The following PCCB variants were observed in gnomAD, a reference collection of about 807,000 sequenced individuals.
PCCB encodes propionyl-CoA carboxylase subunit beta.
Under a neutral mutation model 60.7 loss-of-function variants are expected in PCCB, and 43 were observed. That is an observed-to-expected ratio of 0.71 (90% confidence interval 0.55 to 0.91). The LOEUF (loss-of-function observed/expected upper bound fraction) is 0.91. Among genes scored for constraint, PCCB ranks in the 40% least tolerant of loss-of-function variants. PCCB has a pLI of 0.00. For missense variants in PCCB, 766 were observed against 702.8 expected (o/e 1.09, Z -1.02); for synonymous variants, 276 against 255.9 (o/e 1.08, Z -0.75).
chr3:136,256,501 C>A (rs1350106666), intron 2 of PCCB, 54 bp from the exon 3 acceptor site: 2 of 1,319,826 alleles, frequency 1.5e-6, no homozygotes, highest in South Asian at 1.2e-5. Context: ...TGGCCAAACT[C>A]ATTAGAAGAA....
chr3:136,265,471 A>C (rs1941960958), intron 5 of PCCB, among the ~76,000 whole-genome samples: 1 of 152,118 alleles, frequency 6.6e-6, no homozygotes, highest in South Asian at 2.1e-4. Flanking sequence ...TTATATTGTA[A>C]TATGTATCAG....
chr3:136,287,186 G>A (rs112819890), intron 6 of PCCB, among the ~76,000 whole-genome samples: 1,931 of 152,146 alleles, frequency 0.013, 34 homozygotes, highest in East Asian at 0.047. Context: ...TTTTATGGTA[G>A]TGTTTTTATT....
intron 6 of PCCB, among the ~76,000 whole-genome samples, chr3:136,287,751 T>C (rs1933485462): frequency 1.3e-5 from 2 of 152,244 alleles, no homozygotes; most frequent in Non-Finnish European, 2.9e-5. Flanking sequence ...AAATATTTCT[T>C]AACATATTCA....
intron 5 of PCCB, among the ~76,000 whole-genome samples, chr3:136,280,000 C>G (rs1942433856): frequency 1.3e-5 from 2 of 152,224 alleles, no homozygotes; most frequent in African/African-American, 4.8e-5. Context: ...ATTTTTTGTG[C>G]AGACTCCTCT....
At chr3:136,281,603 C>A (rs779882619) in intron 5 of PCCB, among the ~76,000 whole-genome samples, 24 of 151,962 alleles carry the variant, frequency 1.6e-4, no homozygotes, top group African/African-American at 5.8e-4. Context: ...CTATTAAGTC[C>A]AATATCTGGG....
At position 136,255,953 on chromosome 3, in the gene PCCB, GA is replaced by G; in HGVS notation, c.283del (p.Met95TrpfsTer55). On this transcript the variant is annotated frameshift_variant, in exon 2 of 15. Transcript: ENST00000251654. LOFTEE classifies it high-confidence loss of function. ...MFVEHRCADFGMAADKNKFPG... is the reference protein window; with the variant it reads ...MFVEHRCADFXMAADKNKFPG... ...GTGGAACACAGATGTGCAGATTTTG[GA>G]ATGGCTGCTGATAAGAATAAGGTAT... is the stretch of plus-strand genomic sequence containing the variant. The G allele has an allele frequency of 6.2e-7, 1 of 1,614,178 alleles. No homozygotes were observed. Among genetic ancestry groups the G allele is most frequent in the Non-Finnish European group, 8.5e-7 (1 of 1,180,006 alleles).
At position 136,313,298 on chromosome 3, in the gene PCCB, C is replaced by A. The variant is rs555471957; in HGVS notation, c.967-3643C>A. ...CGTTGTCATTTGTAATTGCGAGATA[C>A]TCTAAATAACCTAAATGTAAATTTT... On this transcript the variant is annotated intron_variant, in intron 9 of 14. Transcript: ENST00000251654. 2.0e-5 allele frequency among the ~76,000 whole-genome samples: 3 copies of A among 152,290 alleles called. No homozygotes were observed. In the South Asian group the frequency reaches 6.2e-4, roughly 32 times the overall value.
At chr3:136,272,808 T>C (rs1942235081) in intron 5 of PCCB, among the ~76,000 whole-genome samples, 1 of 152,164 alleles carries the variant, frequency 6.6e-6, no homozygotes, top group Non-Finnish European at 1.5e-5. Flanking sequence ...TTTTATTTTT[T>C]GCTTCAATTT....
chr3:136,305,554 G>C (rs1212110638), intron 9 of PCCB, among the ~76,000 whole-genome samples: 1 of 117,876 alleles, frequency 8.5e-6, no homozygotes, highest in African/African-American at 2.5e-5. Context: ...TTCGAGACCA[G>C]CTTGACCAAC....
intron 9 of PCCB, among the ~76,000 whole-genome samples, chr3:136,316,367 G>T (rs1429517328): frequency 1.3e-5 from 2 of 152,064 alleles, no homozygotes; most frequent in African/African-American, 4.8e-5. Context: ...CCAGGCTAGA[G>T]TGCAGTGGCA....
In PCCB at chr3:136,293,814, A is replaced by T. The variant is rs1164245944; in HGVS notation, c.713A>T (p.Asp238Val). The part of the protein sequence containing the change: ...PDVVKSVTNE[D>V]VTQEELGGAK... ...GTTGTGAAGTCTGTCACCAATGAGG[A>T]TGTTACCCAGGAGGAGCTCGGTGGT... Residue 238 changes from aspartate to valine, a missense_variant, in exon 7 of 15, where the codon GAT becomes GTT. Transcript: ENST00000251654. 3 of 1,613,556 alleles carry T rather than the reference A, an allele frequency of 1.9e-6. No homozygotes were observed. Among genetic ancestry groups the T allele is most frequent in the East Asian group, 2.2e-5 (1 of 44,880 alleles).
intron 14 of PCCB, among the ~76,000 whole-genome samples, chr3:136,329,463 T>A (rs932858487): frequency 6.6e-6 from 1 of 152,170 alleles, no homozygotes; most frequent in Admixed American, 6.5e-5. Context: ...TTTTGCCACA[T>A]TTTATAGGCC....
chr3:136,294,331 A>G (rs1253075786), intron 7 of PCCB, among the ~76,000 whole-genome samples: 1 of 151,364 alleles, frequency 6.6e-6, no homozygotes, highest in African/African-American at 2.4e-5. Context: ...TTTTTTTTTG[A>G]GACAGGATCC....
chr3:136,280,127 A>G (rs1441374453), intron 5 of PCCB, among the ~76,000 whole-genome samples: 2 of 152,280 alleles, frequency 1.3e-5, no homozygotes, highest in Admixed American at 6.5e-5. Context: ...AGTTACATTT[A>G]TTAGTGTTCT....
chr3:136,326,596 GGGCCTCTTT>G lies in PCCB; in HGVS notation c.1091-202_1091-194del, dbSNP rs569747674. ...AGTGAGTCTGTAGTAGTCTAGTTCT[GGGCCTCTTT>G]GGCCAGTGACAGACAGGTGGATTCT... On this transcript the variant is annotated intron_variant, in intron 10 of 14. Coordinates refer to ENST00000251654, the MANE Select transcript of PCCB (RefSeq NM_000532.5). Among the ~76,000 whole-genome samples the G allele has an allele frequency of 2.5e-4, 38 of 152,260 alleles. No individual in the cohort carries two copies. The East Asian group carries it at 5.0e-3, about 20-fold the overall frequency.
At chr3:136,268,280 C>T (rs1220103117) in intron 5 of PCCB, among the ~76,000 whole-genome samples, 3 of 151,206 alleles carry the variant, frequency 2.0e-5, no homozygotes, top group Admixed American at 6.6e-5. Context: ...ATTGACATAA[C>T]TATTCTTTCC....
rs377725737 is a variant in PCCB at position 136,274,691 on chromosome 3, TC to T, written c.544-9144del. Among the ~76,000 whole-genome samples, 187 of 152,344 alleles carry T rather than the reference TC, an allele frequency of 1.2e-3. 1 individual carries two copies. Among genetic ancestry groups the T allele is most frequent in the African/African-American group, 4.1e-3 (172 of 41,594 alleles). On this transcript the variant is annotated intron_variant, in intron 5 of 14. Transcript: ENST00000251654. ...ATCTCAGGCAAGGCCAGGGAAGTTT[TC>T]CTCAATGATTCTCTCAAATAAGTTT...
At chr3:136,256,184 C>A in intron 2 of PCCB, 1 of 659,472 alleles carries the variant, frequency 1.5e-6, no homozygotes, top group East Asian at 2.9e-5. Flanking sequence ...TTCAAGCAAT[C>A]CACCCACCTC....
chr3:136,256,350 C>T (rs1197551768), intron 2 of PCCB: 3 of 614,130 alleles, frequency 4.9e-6, no homozygotes, highest in African/African-American at 3.7e-5. Flanking sequence ...ATGACAGTGC[C>T]ATTCACTCCT....
Sources: gnomAD v4.1 joint callset for allele counts (sites outside exome capture counted in the v4.1 genomes callset) on GRCh38, gnomAD v4.1.1 for gene constraint, MANE v1.5 for transcripts, NCBI Gene and HGNC (gene_info 2026-07-23, HGNC 2026-07-21) for gene names.